The following WDPCP variants were observed in gnomAD, a reference collection of about 807,000 sequenced individuals.
WDPCP encodes WD repeat-containing and planar cell polarity effector protein fritz homolog.
Under a neutral mutation model 93.1 loss-of-function variants are expected in WDPCP, and 71 were observed. That is an observed-to-expected ratio of 0.76 (90% confidence interval 0.63 to 0.93). The LOEUF is 0.93. WDPCP is among the 40% of genes least tolerant of loss of function. The pLI is 0.00. For missense variants in WDPCP, 844 were observed against 887.4 expected (o/e 0.95, Z 0.62); for synonymous variants, 315 against 315.0 (o/e 1.00, Z 0.00).
chr2:63,328,422 A>G (rs1280749525), intron 12 of WDPCP, among the ~76,000 whole-genome samples: 1 of 152,172 alleles, frequency 6.6e-6, no homozygotes, highest in Non-Finnish European at 1.5e-5. Flanking sequence ...GAAGGTCTGC[A>G]GCTTCACTCC....
intron 1 of WDPCP, among the ~76,000 whole-genome samples, chr2:63,826,580 CTTCTAAGTTAGTTTAA>C (rs1671117014): frequency 2.0e-5 from 3 of 152,018 alleles, no homozygotes; most frequent in Admixed American, 2.0e-4. Flanking sequence ...CTTTCTTAGG[CTTCTAAGTTAGTTTAA>C]TTGAGAAGTA....
intron 9 of WDPCP, among the ~76,000 whole-genome samples, chr2:63,420,101 T>G (rs1695731211): frequency 6.6e-6 from 1 of 152,176 alleles, no homozygotes; most frequent in African/African-American, 2.4e-5. Context: ...ATTTTTACTT[T>G]TTTAAAAGGT....
At chr2:63,319,722 C>A (rs915780511) in intron 12 of WDPCP, among the ~76,000 whole-genome samples, 4 of 152,284 alleles carry the variant, frequency 2.6e-5, no homozygotes, top group African/African-American at 9.6e-5. Context: ...TCGTGATCCA[C>A]CCGCCTCAGC....
chr2:63,411,669 A>C (rs1695032310), intron 9 of WDPCP, among the ~76,000 whole-genome samples: 1 of 152,168 alleles, frequency 6.6e-6, no homozygotes, highest in Non-Finnish European at 1.5e-5. Flanking sequence ...AAATCCAAAT[A>C]ACCTCACTAA....
intron 14 of WDPCP, among the ~76,000 whole-genome samples, chr2:63,246,171 T>C (rs1011858404): frequency 3.3e-5 from 5 of 152,172 alleles, no homozygotes; most frequent in South Asian, 4.1e-4. Context: ...CACATAATTA[T>C]AAACTTGCTA....
rs930295753 is a variant in WDPCP at position 63,791,306 on chromosome 2, C to T, written n.308+22316G>A. Among the ~76,000 whole-genome samples the T allele has an allele frequency of 5.3e-5, 8 of 152,220 alleles. No homozygotes were observed. The East Asian group carries it at 7.7e-4, about 15-fold the overall frequency. ...AGGATGACCACATATTAGTCCCTAACGCTGCCATGTTGGCTCAGTTTCTAT... is the reference window on the plus strand; with the variant it reads ...AGGATGACCACATATTAGTCCCTAATGCTGCCATGTTGGCTCAGTTTCTAT... On this transcript the variant is annotated intron_variant and non_coding_transcript_variant, in intron 2 of 4. Coordinates refer to the WDPCP transcript ENST00000467687.
chr2:63,271,563 T>C (rs1451339747), intron 13 of WDPCP, among the ~76,000 whole-genome samples: 1 of 152,208 alleles, frequency 6.6e-6, no homozygotes, highest in Non-Finnish European at 1.5e-5. Context: ...CCCATCACTG[T>C]CACTGGTGCC....
chr2:63,624,688 AT>A (rs1028872653), intron 3 of WDPCP, among the ~76,000 whole-genome samples: 6 of 152,222 alleles, frequency 3.9e-5, no homozygotes, highest in Non-Finnish European at 7.3e-5. Context: ...TCAGGAATTA[AT>A]AGCTTACCAA....
intron 12 of WDPCP, among the ~76,000 whole-genome samples, chr2:63,342,033 G>T (rs556002424): frequency 1.3e-5 from 2 of 152,238 alleles, no homozygotes; most frequent in African/African-American, 2.4e-5. Flanking sequence ...TGGGGAGGGG[G>T]TGATAGTTTT....
intron 1 of WDPCP, among the ~76,000 whole-genome samples, chr2:63,546,898 A>C (rs1705192434): frequency 6.6e-6 from 1 of 152,050 alleles, no homozygotes; most frequent in Non-Finnish European, 1.5e-5. Flanking sequence ...ATACTGCAGA[A>C]AACAGAAAAC....
At chr2:63,530,446 G>A (rs1216429494) in intron 1 of WDPCP, among the ~76,000 whole-genome samples, 1 of 151,804 alleles carries the variant, frequency 6.6e-6, no homozygotes, top group Non-Finnish European at 1.5e-5. Context: ...TTCAGGGCAG[G>A]TATGCTTTAT....
rs531335478 is a variant in WDPCP at position 63,597,577 on chromosome 2, G to T, written n.488+53082C>A. ...AATACGCCAAGAAGTCAGTTAAGGT[G>T]ACCAATGCTGTATTTTATGGGATTT... On this transcript the variant is annotated intron_variant and non_coding_transcript_variant, in intron 3 of 4. Transcript: ENST00000467687. 4 of 1,381,030 alleles carry T rather than the reference G, an allele frequency of 2.9e-6. No homozygotes were observed. In the South Asian group the frequency reaches 5.9e-5, roughly 20 times the overall value. The allele number at this position is 1,381,030 out of a possible 1,614,324, so 85.5% of individuals were successfully genotyped here.
chr2:63,589,380 A>G, upstream of WDPCP: 2 of 1,550,572 alleles, frequency 1.3e-6, no homozygotes, highest in Non-Finnish European at 1.7e-6. Context: ...GATAAGGACG[A>G]TAAGGTTTGC....
At chr2:63,612,378 A>G (rs1361054068) in intron 3 of WDPCP, among the ~76,000 whole-genome samples, 1 of 152,192 alleles carries the variant, frequency 6.6e-6, no homozygotes, top group African/African-American at 2.4e-5. Context: ...CCACCCCAAA[A>G]TATGCCACTT....
chr2:63,818,733 CAG>C (rs765501111), intron 1 of WDPCP, among the ~76,000 whole-genome samples: 27 of 152,046 alleles, frequency 1.8e-4, no homozygotes, highest in Admixed American at 3.9e-4. Flanking sequence ...AGGTGCTAAA[CAG>C]GGGAAAAAAC....
chr2:63,510,022 T>C (rs1702127651), intron 1 of WDPCP, among the ~76,000 whole-genome samples: 1 of 152,254 alleles, frequency 6.6e-6, no homozygotes, highest in African/African-American at 2.4e-5. Flanking sequence ...GCTGGTACCA[T>C]TCCTTCTGAA....
chr2:63,212,643 A>G (rs1287251562), intron 14 of WDPCP, among the ~76,000 whole-genome samples: 1 of 152,196 alleles, frequency 6.6e-6, no homozygotes, highest in African/African-American at 2.4e-5. Flanking sequence ...TAAATGGACT[A>G]AATGCCCCAA....
At chr2:63,379,321 T>C (rs1328587814) in intron 11 of WDPCP, among the ~76,000 whole-genome samples, 5 of 152,186 alleles carry the variant, frequency 3.3e-5, no homozygotes, top group African/African-American at 1.2e-4. Context: ...TAGCACTGAG[T>C]TGAATAAACA....
rs1477809561 is a variant in WDPCP at position 63,437,516 on chromosome 2, C to G, written c.538G>C (p.Ala180Pro). ...TGAATAAAACATAGTTTGTTTTGTG[C>G]CAAAAATGATAAGATGATAAAACTG... ...TDSFIILSFLAQNKLCFIQFT... is the reference protein window; with the variant it reads ...TDSFIILSFLPQNKLCFIQFT... The change falls in exon 8 of 18, where the codon GCA (alanine) becomes CCA (proline). Residue 180 changes from alanine to proline, a missense_variant. Transcript: ENST00000272321. 6.3e-7 allele frequency: 1 copy of G among 1,594,018 alleles called. No individual in the cohort carries two copies. The highest frequency in any genetic ancestry group is 1.7e-5 in the Admixed American group (1 of 57,380).
Sources: allele counts gnomAD v4.1 joint callset (sites outside exome capture counted in the v4.1 genomes callset), GRCh38; gene constraint gnomAD v4.1.1; transcripts MANE v1.5; gene names NCBI Gene and HGNC (gene_info 2026-07-23, HGNC 2026-07-21).